Variants in M1AP observed in about 807,000 individuals in gnomAD.
M1AP encodes meiosis 1 associated protein, also known as meiosis 1 arrest protein.
A neutral mutation model predicts 51.2 loss-of-function variants in M1AP; 39 were observed. That is an observed-to-expected ratio of 0.76 (90% CI 0.59 to 1.00). M1AP has a LOEUF of 1.00. M1AP is among the 50% of genes least tolerant of loss of function. M1AP has a pLI of 0.00. For missense variants in M1AP, 545 were observed against 641.2 expected (o/e 0.85, Z 1.62); for synonymous variants, 251 against 249.2 (o/e 1.01, Z -0.07).
intron 5 of M1AP, among the ~76,000 whole-genome samples, chr2:74,578,151 C>CA (rs910349055): frequency 1.3e-5 from 2 of 152,182 alleles, no homozygotes; most frequent in Admixed American, 1.3e-4. Flanking sequence ...CAGTTCCTAA[C>CA]AGGCCACAGG....
chr2:74,611,820 A>G (rs1293203675), intron 3 of M1AP, among the ~76,000 whole-genome samples: 4 of 151,400 alleles, frequency 2.6e-5, no homozygotes, highest in Non-Finnish European at 5.9e-5. Flanking sequence ...CAACAAGAGC[A>G]AAACTCCATC....
intron 2 of M1AP, among the ~76,000 whole-genome samples, chr2:74,617,873 T>G (rs1421124111): frequency 6.6e-6 from 1 of 152,214 alleles, no homozygotes; most frequent in Non-Finnish European, 1.5e-5. Context: ...ATACTCCCAC[T>G]TCTTTGGCAA....
intron 4 of M1AP, among the ~76,000 whole-genome samples, chr2:74,596,603 A>G (rs536023896): frequency 6.6e-6 from 1 of 152,204 alleles, no homozygotes; most frequent in Admixed American, 6.5e-5. Flanking sequence ...AACAACAACA[A>G]CAACAACAAC....
At chr2:74,615,885 G>C (rs1467308872) in intron 2 of M1AP, 3 of 152,264 alleles carry the variant, frequency 2.0e-5, no homozygotes, top group Non-Finnish European at 4.4e-5. Context: ...ATAGCAGGTG[G>C]GGGGTGGGGA....
chr2:74,593,511 G>A (rs374268037), intron 4 of M1AP, among the ~76,000 whole-genome samples: 23 of 152,162 alleles, frequency 1.5e-4, no homozygotes, highest in South Asian at 6.2e-4. Context: ...CTCCTGAGTA[G>A]CTGGGACTAC....
chr2:74,558,632 A>T lies in M1AP; in HGVS notation c.*84T>A. ...CTCACAGAGGCTCAGGCGGATAGAG[A>T]GCAAGTCTGACCACAGATAGCCATT... On this transcript the variant is annotated 3_prime_UTR_variant, in exon 11 of 11. Coordinates refer to ENST00000421985, the MANE Select transcript of M1AP (RefSeq NM_001321739.2). 1 of 1,520,082 alleles carries T rather than the reference A, an allele frequency of 6.6e-7. No homozygotes were observed. The allele number at this position is 1,520,082 out of a possible 1,614,324, so 94.2% of individuals were successfully genotyped here.
At chr2:74,644,371 C>G (rs58035460) in intron 1 of M1AP, among the ~76,000 whole-genome samples, 1 of 152,114 alleles carries the variant, frequency 6.6e-6, no homozygotes, top group African/African-American at 2.4e-5. Context: ...AACCCCATCT[C>G]TACTAAAAAT....
intron 3 of M1AP, among the ~76,000 whole-genome samples, chr2:74,610,728 G>A (rs903596161): frequency 1.3e-5 from 2 of 152,314 alleles, no homozygotes; most frequent in South Asian, 4.1e-4. Flanking sequence ...GATTACAGGC[G>A]TGAGCTACTG....
chr2:74,643,576 G>A (rs1274389719), intron 1 of M1AP, among the ~76,000 whole-genome samples: 2 of 151,190 alleles, frequency 1.3e-5, no homozygotes, highest in Non-Finnish European at 2.9e-5. Context: ...GGGTCCTGGG[G>A]TGTTGGTAAT....
intron 4 of M1AP, among the ~76,000 whole-genome samples, chr2:74,587,850 C>G (rs1392625733): frequency 6.6e-6 from 1 of 152,198 alleles, no homozygotes; most frequent in Non-Finnish European, 1.5e-5. Context: ...TTTGAACTTA[C>G]CCTGCCCTCC....
chr2:74,622,949 A>G (rs1441301787), intron 2 of M1AP, among the ~76,000 whole-genome samples: 1 of 148,926 alleles, frequency 6.7e-6, no homozygotes, highest in Non-Finnish European at 1.5e-5. Context: ...TTAAAAAAAA[A>G]TAGAGTGGAA....
In M1AP at chr2:74,584,825, TA is replaced by T. The variant is rs1558660593; in HGVS notation, c.596-2979del. On this transcript the variant is annotated intron_variant, in intron 4 of 10. Transcript: ENST00000421985. Reference sequence around the variant, plus strand: ...ATTGCCATATATATATATATATATATATATTTTATTATTATTTTTTTATTTT... The same window carrying T: ...ATTGCCATATATATATATATATATATTATTTTATTATTATTTTTTTATTTT... Among the ~76,000 whole-genome samples, 70 of 147,988 alleles carry T rather than the reference TA, an allele frequency of 4.7e-4. No individual in the cohort carries two copies. The South Asian group carries it at 9.2e-3, about 20-fold the overall frequency.
At chr2:74,645,292 A>G (rs1683537401) in intron 1 of M1AP, among the ~76,000 whole-genome samples, 1 of 152,206 alleles carries the variant, frequency 6.6e-6, no homozygotes, top group African/African-American at 2.4e-5. Flanking sequence ...CAAACTCCGG[A>G]CACACCATCT....
At position 74,574,908 on chromosome 2, in the gene M1AP, T is replaced by A. The variant is rs190699830; in HGVS notation, c.1074+530A>T. ...TTGTAGGTCTTAGTTTAAATGTCAC[T>A]TCTATAGACAGGCTTTCTTATAGCA... On this transcript the variant is annotated intron_variant, in intron 7 of 10. Transcript: ENST00000421985. 4.1e-4 allele frequency among the ~76,000 whole-genome samples: 63 copies of A among 152,350 alleles called. No individual in the cohort carries two copies. The East Asian group carries it at 0.01, about 25-fold the overall frequency.
At position 74,586,956 on chromosome 2, in the gene M1AP, C is replaced by T. The variant is rs537882802; in HGVS notation, c.596-5109G>A. Among the ~76,000 whole-genome samples the T allele has an allele frequency of 3.6e-3, 536 of 150,652 alleles. 5 individuals carry two copies. Among genetic ancestry groups the T allele is most frequent in the African/African-American group, 0.012 (511 of 40,904 alleles). On this transcript the variant is annotated intron_variant, in intron 4 of 10. Transcript: ENST00000421985. ...GGTGGAGGTTGCAGTGAACTGAGAT[C>T]GCGCCATTGCACACTAGCCTGGGCA...
chr2:74,637,674 G>A (rs1683061920), intron 2 of M1AP, among the ~76,000 whole-genome samples: 1 of 152,134 alleles, frequency 6.6e-6, no homozygotes, highest in Non-Finnish European at 1.5e-5. Flanking sequence ...TACTACTGAG[G>A]CAAGATCTTT....
At chr2:74,589,761 T>C (rs748629429) in intron 4 of M1AP, among the ~76,000 whole-genome samples, 5 of 152,212 alleles carry the variant, frequency 3.3e-5, no homozygotes, top group Non-Finnish European at 7.3e-5. Context: ...TTGTTAGCAG[T>C]TGTCCATTCA....
intron 5 of M1AP, among the ~76,000 whole-genome samples, chr2:74,578,406 C>T (rs978616078): frequency 1.3e-5 from 2 of 152,144 alleles, no homozygotes; most frequent in African/African-American, 2.4e-5. Flanking sequence ...ATCCCTCCCC[C>T]AAACCCCCAC....
chr2:74,647,209 G>C (rs1433623935), intron 1 of M1AP: 2 of 984,850 alleles, frequency 2.0e-6, no homozygotes, highest in Non-Finnish European at 2.4e-6. Flanking sequence ...AGTTCTGCTT[G>C]TGCCTTCTGC....
Sources: allele counts gnomAD v4.1 joint callset (sites outside exome capture counted in the v4.1 genomes callset), GRCh38; gene constraint gnomAD v4.1.1; transcripts MANE v1.5; gene names NCBI Gene and HGNC (gene_info 2026-07-23, HGNC 2026-07-21).